Variants in PKHD1 observed in about 807,000 individuals in gnomAD.
PKHD1 encodes fibrocystin.
Under a neutral mutation model 412.0 loss-of-function variants are expected in PKHD1, and 291 were observed. The ratio of observed to expected loss-of-function variants is 0.71; its 90% CI spans 0.64 to 0.78. The LOEUF is 0.78. Ranked by LOEUF, PKHD1 falls within the 30% of genes least tolerant of loss-of-function variation. The pLI, the probability that PKHD1 is intolerant of heterozygous loss-of-function variation, is 0.00. For synonymous variants in PKHD1, 1,777 were observed against 1,821.5 expected, an observed-to-expected ratio of 0.98 and a Z score of 0.62; for missense variants, 4,825 against 4,950.7, an observed-to-expected ratio of 0.97 and a Z score of 0.76.
rs76012218 is a variant in PKHD1 at position 52,065,043 on chromosome 6, T to C, written c.888A>G (p.Pro296=). The change falls in exon 13 of 67, where the codon CCA becomes CCG. Residue 296 remains proline, a synonymous_variant. Coordinates refer to ENST00000371117, the MANE Select transcript of PKHD1 (RefSeq NM_138694.4). ...TGGGAGACACGTGTCTAATATCACA[T>C]GGAATGCCTAAAGCGAATTAAAGAA... ...NSAQVTIAGI[P]CDIRHVSPRK... The C allele has an allele frequency of 8.2e-6, 13 of 1,581,072 alleles. No individual in the cohort carries two copies. The highest frequency in any genetic ancestry group is 1.1e-5 in the South Asian group (1 of 90,310).
At chr6:51,818,247 C>T (rs1765802703) in intron 52 of PKHD1, among the ~76,000 whole-genome samples, 1 of 152,176 alleles carries the variant, frequency 6.6e-6, no homozygotes. Context: ...TTACTGCTTG[C>T]AATTGTTTGT....
At chr6:51,916,768 C>A (rs143932139) in intron 37 of PKHD1, among the ~76,000 whole-genome samples, 1 of 152,098 alleles carries the variant, frequency 6.6e-6, no homozygotes, top group Non-Finnish European at 1.5e-5. Context: ...AAATCAAAAA[C>A]ACATAAAACT....
intron 35 of PKHD1, among the ~76,000 whole-genome samples, chr6:51,997,069 A>G (rs1326667328): frequency 6.6e-6 from 1 of 152,164 alleles, no homozygotes; most frequent in Non-Finnish European, 1.5e-5. Context: ...ATGAAGACAT[A>G]TTTGTTGGGG....
rs760162315 is a variant in PKHD1 at position 52,058,617 on chromosome 6, C to T, written c.1234-16G>A. ...CCACTTTCACCTATGCCCAAATAAG[C>T]ATATCATGATCAATACTATGCAGCT... is the stretch of plus-strand genomic sequence containing the variant. On this transcript the variant is annotated splice_polypyrimidine_tract_variant and intron_variant, in intron 15 of 66. Transcript: ENST00000371117. 3.7e-6 allele frequency: 6 copies of T among 1,612,736 alleles called. No individual in the cohort carries two copies. Among genetic ancestry groups the T allele is most frequent in the Admixed American group, 3.3e-5 (2 of 60,006 alleles).
At chr6:51,682,142 A>C (rs1275534399) in intron 60 of PKHD1, 1 of 446,628 alleles carries the variant, frequency 2.2e-6, no homozygotes, top group African/African-American at 2.0e-5. Flanking sequence ...AGCATCTATA[A>C]TATTCTTAGA....
chr6:51,898,330 C>G (rs1458569165), intron 43 of PKHD1, among the ~76,000 whole-genome samples: 3 of 146,404 alleles, frequency 2.0e-5, no homozygotes, highest in African/African-American at 2.5e-5. Context: ...GACCACAGTG[C>G]AATCAAACTA....
At chr6:51,996,208 A>C in intron 35 of PKHD1, among the ~76,000 whole-genome samples, 1 of 125,336 alleles carries the variant, frequency 8.0e-6, no homozygotes, top group Non-Finnish European at 1.6e-5. Context: ...ATGGGGTTTC[A>C]CTGCATTGGC....
chr6:51,710,404 A>G, intron 60 of PKHD1, among the ~76,000 whole-genome samples: 1 of 152,248 alleles, frequency 6.6e-6, no homozygotes, highest in Non-Finnish European at 1.5e-5. Flanking sequence ...ATAAAATTAA[A>G]CATAAAATAT....
At chr6:51,747,182 C>A (rs1785303977) in intron 58 of PKHD1, among the ~76,000 whole-genome samples, 1 of 152,138 alleles carries the variant, frequency 6.6e-6, no homozygotes. Context: ...AAGACAAACC[C>A]ACTGCCAGAT....
intron 35 of PKHD1, among the ~76,000 whole-genome samples, chr6:51,965,901 T>C (rs1792729781): frequency 6.6e-6 from 1 of 152,168 alleles, no homozygotes. Context: ...TCTTCTTTTA[T>C]CGTTTCCTCT....
intron 52 of PKHD1, among the ~76,000 whole-genome samples, chr6:51,828,677 G>A (rs1230535502): frequency 6.6e-6 from 1 of 152,046 alleles, no homozygotes; most frequent in Non-Finnish European, 1.5e-5. Flanking sequence ...CCAGAGTCAG[G>A]TGGACAAATT....
intron 31 of PKHD1, among the ~76,000 whole-genome samples, chr6:52,027,409 G>A (rs1412962243): frequency 1.3e-5 from 2 of 151,734 alleles, no homozygotes; most frequent in Admixed American, 6.6e-5. Flanking sequence ...GAGGGCACCT[G>A]TAATTCCAGC....
At chr6:52,016,993 A>C (rs1306061384) in intron 34 of PKHD1, among the ~76,000 whole-genome samples, 1 of 152,190 alleles carries the variant, frequency 6.6e-6, no homozygotes, top group East Asian at 1.9e-4. Flanking sequence ...AACATTGTAC[A>C]ATCTGCTGGA....
intron 60 of PKHD1, among the ~76,000 whole-genome samples, chr6:51,701,392 T>C (rs886853621): frequency 1.3e-5 from 2 of 152,074 alleles, no homozygotes; most frequent in African/African-American, 4.8e-5. Context: ...ACTTCTAATG[T>C]TTGGTAAAGA....
Position 51,648,025 on chromosome 6 carries a change from A to G in PKHD1, c.11398+6T>C. 1 of 1,513,802 alleles carries G rather than the reference A, an allele frequency of 6.6e-7. No individual in the cohort carries two copies. The allele number at this position is 1,513,802 out of a possible 1,614,324, so 93.8% of individuals were successfully genotyped here. On this transcript the variant is annotated splice_donor_region_variant and intron_variant, in intron 63 of 66. Coordinates refer to ENST00000371117, the MANE Select transcript of PKHD1 (RefSeq NM_138694.4). ...GATATCTGAAATTTACAGATACTTTACCTACCTTTTAGCACTGAGTCTGAT... is the reference window on the plus strand; with the variant it reads ...GATATCTGAAATTTACAGATACTTTGCCTACCTTTTAGCACTGAGTCTGAT...
Position 51,870,638 on chromosome 6 carries a change from C to T in PKHD1, c.7352G>A (p.Gly2451Glu). 2 of 1,607,946 alleles carry T rather than the reference C, an allele frequency of 1.2e-6. No homozygotes were observed. The highest frequency in any genetic ancestry group is 1.7e-6 in the Non-Finnish European group (2 of 1,174,812). The change falls in exon 47 of 67, where the codon GGA (glycine) becomes GAA (glutamate). Residue 2451 changes from glycine to glutamate, a missense_variant and splice_region_variant. Gly to Glu is a moderately conservative substitution (Grantham distance 98, BLOSUM62 -2). Coordinates refer to ENST00000371117, the MANE Select transcript of PKHD1 (RefSeq NM_138694.4). ...SLLLGHFAHK[G>E]SLCMSSGIKT... ...AATCCCAGATGACATACACAGACTTCCCTGTGATTTAAAAGAAAAAAAGAT... is the reference window on the plus strand; with the variant it reads ...AATCCCAGATGACATACACAGACTTTCCTGTGATTTAAAAGAAAAAAAGAT...
chr6:51,624,621 CA>C (rs1461319823), intron 66 of PKHD1, among the ~76,000 whole-genome samples: 14 of 152,264 alleles, frequency 9.2e-5, no homozygotes. Flanking sequence ...TTTTCCCCAG[CA>C]GTTGTAATAA....
intron 55 of PKHD1, among the ~76,000 whole-genome samples, chr6:51,755,410 A>G (rs1786813742): frequency 6.6e-6 from 1 of 152,168 alleles, no homozygotes; most frequent in Admixed American, 6.6e-5. Flanking sequence ...TGAAACAGAT[A>G]CAAGTGTGAA....
At chr6:51,793,781 C>T (rs1794128892) in intron 52 of PKHD1, among the ~76,000 whole-genome samples, 2 of 152,142 alleles carry the variant, frequency 1.3e-5, no homozygotes, top group African/African-American at 2.4e-5. Context: ...CATTGATGGA[C>T]ATTTAAGTTT....
Sources: allele counts gnomAD v4.1 joint callset (sites outside exome capture counted in the v4.1 genomes callset), GRCh38; gene constraint gnomAD v4.1.1; transcripts MANE v1.5; gene names NCBI Gene and HGNC (gene_info 2026-07-23, HGNC 2026-07-21).